LETM1: variants seen among roughly 807,000 people sequenced by gnomAD.
The protein encoded by LETM1 is leucine zipper and EF-hand containing transmembrane protein 1, also known as mitochondrial proton/calcium exchanger protein.
LETM1 carries 50 observed loss-of-function variants against 74.5 expected under a neutral mutation model. The observed-to-expected ratio is 0.67, with a 90% CI of 0.53 to 0.85. The LOEUF is 0.85. LETM1 is among the 40% of genes least tolerant of loss of function. The pLI is 0.00. For synonymous variants in LETM1, 446 were observed against 407.1 expected, an observed-to-expected ratio of 1.10 and a Z score of -1.15; for missense variants, 824 against 967.8, an observed-to-expected ratio of 0.85 and a Z score of 1.97.
intron 1 of LETM1, among the ~76,000 whole-genome samples, chr4:1,850,977 A>T (rs749230070): frequency 2.2e-4 from 33 of 152,136 alleles, no homozygotes; most frequent in Admixed American, 3.3e-4. Context: ...AAAAACACCA[A>T]GAGTAAGCCA....
chr4:1,838,596 A>T (rs184069743), intron 3 of LETM1, among the ~76,000 whole-genome samples: 1 of 152,300 alleles, frequency 6.6e-6, no homozygotes, highest in Non-Finnish European at 1.5e-5. Flanking sequence ...AGGATCCCTT[A>T]TGCCCGGGAG....
chr4:1,850,150 G>A (rs995036608), intron 1 of LETM1, among the ~76,000 whole-genome samples: 5 of 151,538 alleles, frequency 3.3e-5, no homozygotes, highest in African/African-American at 4.8e-5. Flanking sequence ...GTGAAACTCC[G>A]TCTCAAAAAG....
chr4:1,841,655 C>G lies in LETM1; in HGVS notation c.286G>C (p.Val96Leu), dbSNP rs753905629. The change falls in exon 3 of 14, where the codon GTG becomes CTG. Residue 96 changes from valine (V) to leucine (L), a missense_variant. Transcript: ENST00000302787. ...GGAAGGCACTGAGGTCCCACAGCCA[C>G]AAAACCCACAGAGGTAGAGGTCCAT... ...APWTSTSVGF[V>L]AVGPQCLPVR... 30 of 1,614,180 alleles carry G rather than the reference C, an allele frequency of 1.9e-5. No homozygotes were observed. The highest frequency in any genetic ancestry group is 2.5e-5 in the Non-Finnish European group (29 of 1,180,028).
chr4:1,828,416 G>A (rs1370922468), intron 6 of LETM1, among the ~76,000 whole-genome samples: 6 of 111,154 alleles, frequency 5.4e-5, no homozygotes, highest in Admixed American at 8.1e-5. Context: ...GCGGCTGGCC[G>A]GGCAGAGGGG....
intron 5 of LETM1, chr4:1,833,178 T>C: frequency 1.9e-6 from 1 of 532,980 alleles, no homozygotes; most frequent in African/African-American, 1.9e-5. Flanking sequence ...TTCAAGGGAT[T>C]CTCCTGCCTT....
At chr4:1,838,260 C>T (rs1163324846) in intron 3 of LETM1, among the ~76,000 whole-genome samples, 4 of 151,750 alleles carry the variant, frequency 2.6e-5, no homozygotes, top group East Asian at 2.0e-4. Flanking sequence ...CCACCACGAC[C>T]GGCTAATTTT....
rs149048113 is a variant in LETM1 at position 1,837,118 on chromosome 4, T to C, written c.595-546A>G. On this transcript the variant is annotated intron_variant, in intron 3 of 13. Transcript: ENST00000302787. The stretch of plus-strand genomic sequence containing the variant: ...CCAATTTGAAATAATCAGAAATCCC[T>C]GTGAAGCCTGAACAACTGCTGGAAA... 1.2e-3 allele frequency among the ~76,000 whole-genome samples: 187 copies of C among 152,358 alleles called. 1 individual carries two copies. In the East Asian group the frequency reaches 0.015, roughly 12 times the overall value.
chr4:1,816,189 G>A (rs145335808), intron 12 of LETM1, among the ~76,000 whole-genome samples: 1 of 152,388 alleles, frequency 6.6e-6, no homozygotes, highest in Non-Finnish European at 1.5e-5. Flanking sequence ...GAGAGCATGA[G>A]CAGGGTGCCA....
intron 3 of LETM1, among the ~76,000 whole-genome samples, chr4:1,840,308 C>A (rs1040602627): frequency 6.6e-6 from 1 of 151,962 alleles, no homozygotes; most frequent in Non-Finnish European, 1.5e-5. Flanking sequence ...ACCCAGGAGG[C>A]GGAGGTTGCA....
chr4:1,825,418 C>T, intron 7 of LETM1, 146 bp downstream of exon 7: 3 of 949,130 alleles, frequency 3.2e-6, no homozygotes, highest in South Asian at 1.7e-5. Flanking sequence ...GAGAAACAGC[C>T]CAAACATCCT....
chr4:1,837,376 T>C (rs1174378157), intron 3 of LETM1, among the ~76,000 whole-genome samples: 1 of 152,192 alleles, frequency 6.6e-6, no homozygotes, highest in African/African-American at 2.4e-5. Context: ...CTAACTCTCC[T>C]ATCTTGTCAT....
At chr4:1,841,312 G>A in intron 3 of LETM1, 35 bp downstream of exon 3, 2 of 1,579,260 alleles carry the variant, frequency 1.3e-6, no homozygotes, top group South Asian at 1.1e-5. Flanking sequence ...GATAGAGCAA[G>A]AAAGAAAAGA....
chr4:1,814,142 T>C lies in LETM1; in HGVS notation c.*282A>G, dbSNP rs1249933665. On this transcript the variant is annotated 3_prime_UTR_variant, in exon 14 of 14. Coordinates refer to ENST00000302787, the MANE Select transcript of LETM1 (RefSeq NM_012318.3). ...CTGAGGCCACACACATGGGGGCGCC[T>C]TCCTGCCTTGGCCCAGCCCAGCTGC... 3 of 455,926 alleles carry C rather than the reference T, an allele frequency of 6.6e-6. No homozygotes were observed. The highest frequency in any genetic ancestry group is 1.2e-5 in the Non-Finnish European group (3 of 248,670). The allele number at this position is 455,926 out of a possible 1,614,324, so 28.2% of individuals were successfully genotyped here.
intron 13 of LETM1, among the ~76,000 whole-genome samples, chr4:1,815,183 C>G (rs1711520082): frequency 6.6e-6 from 1 of 152,200 alleles, no homozygotes; most frequent in African/African-American, 2.4e-5. Flanking sequence ...TACCCTGGAA[C>G]CTGAGTGGCT....
At chr4:1,828,183 G>A (rs1231073878) in intron 6 of LETM1, among the ~76,000 whole-genome samples, 4 of 111,432 alleles carry the variant, frequency 3.6e-5, no homozygotes, top group African/African-American at 1.0e-4. Flanking sequence ...GGGCAGAGGC[G>A]CCCCTCACCT....
At position 1,814,415 on chromosome 4, in the gene LETM1, C is replaced by A; in HGVS notation, c.*9G>T. ...CACAGCAGGAGGACAGGTGCCCAGG[C>A]CAGTGGTTCTAGCTCTTCACCTCTG... is the stretch of plus-strand genomic sequence containing the variant. On this transcript the variant is annotated 3_prime_UTR_variant, in exon 14 of 14. Transcript: ENST00000302787. 1 of 1,614,238 alleles carries A rather than the reference C, an allele frequency of 6.2e-7. No individual in the cohort carries two copies. The highest frequency in any genetic ancestry group is 2.2e-5 in the East Asian group (1 of 44,892).
rs560347528 is a variant in LETM1, at chr4:1,832,456, C to A, written c.1080+288G>T. Among the ~76,000 whole-genome samples the A allele has an allele frequency of 2.3e-4, 35 of 152,268 alleles. 1 individual carries two copies. In the South Asian group the frequency reaches 4.1e-3, roughly 18 times the overall value. ...AGACCCTGATGTGAGGAGAGAGGCA[C>A]AGAGGCACTGTCATCAATAAGCAGG... On this transcript the variant is annotated intron_variant, in intron 6 of 13. Transcript: ENST00000302787.
intron 11 of LETM1, among the ~76,000 whole-genome samples, chr4:1,818,310 GT>G (rs1366965154): frequency 1.3e-5 from 2 of 151,998 alleles, no homozygotes; most frequent in Non-Finnish European, 2.9e-5. Context: ...TATGAAAACA[GT>G]TTTTAAAAAA....
chr4:1,827,520 T>TTTA (rs1712040746), intron 6 of LETM1, among the ~76,000 whole-genome samples: 1 of 107,094 alleles, frequency 9.3e-6, no homozygotes, highest in African/African-American at 3.8e-5. Flanking sequence ...CAAGCATCTG[T>TTTA]TTAACAAAGC....
Sources: gnomAD v4.1 joint callset for allele counts (sites outside exome capture counted in the v4.1 genomes callset) on GRCh38, gnomAD v4.1.1 for gene constraint, MANE v1.5 for transcripts, NCBI Gene and HGNC (gene_info 2026-07-23, HGNC 2026-07-21) for gene names.